CNOT7: variants seen among roughly 807,000 people sequenced by gnomAD.
CNOT7 encodes CCR4-NOT transcription complex subunit 7.
CNOT7 carries 4 observed loss-of-function variants against 37.1 expected under a neutral mutation model. The ratio of observed to expected loss-of-function variants is 0.11; its 90% CI spans 0.05 to 0.25. CNOT7 has a LOEUF of 0.25. Among genes scored for constraint, CNOT7 ranks in the 10% least tolerant of loss-of-function variants. The pLI, the probability that CNOT7 is intolerant of heterozygous loss-of-function variation, is 1.00. For missense variants in CNOT7, 170 were observed against 336.2 expected (o/e 0.51, Z 3.87); for synonymous variants, 128 against 115.6 (o/e 1.11, Z -0.69).
intron 3 of CNOT7, among the ~76,000 whole-genome samples, chr8:17,238,834 T>C (rs1052201040): frequency 6.6e-6 from 1 of 152,228 alleles, no homozygotes; most frequent in Non-Finnish European, 1.5e-5. Context: ...TGTCTTTCTT[T>C]ACATCTACGT....
chr8:17,239,674 T>C (rs887466605), intron 3 of CNOT7, among the ~76,000 whole-genome samples: 3 of 152,030 alleles, frequency 2.0e-5, no homozygotes, highest in Non-Finnish European at 2.9e-5. Flanking sequence ...TTTGTATTTT[T>C]AGTAGATACA....
chr8:17,231,922 A>G, intron 6 of CNOT7: 1 of 987,106 alleles, frequency 1.0e-6, no homozygotes, highest in South Asian at 4.7e-5. Context: ...CAATGCAGTA[A>G]AAGAGCCTGA....
At chr8:17,236,201 T>TC (rs1809338578) in intron 4 of CNOT7, among the ~76,000 whole-genome samples, 1 of 152,158 alleles carries the variant, frequency 6.6e-6, no homozygotes, top group Non-Finnish European at 1.5e-5. Flanking sequence ...ACATGAACAG[T>TC]CCTTCACTAT....
At chr8:17,238,294 T>C (rs540631213) in intron 3 of CNOT7, among the ~76,000 whole-genome samples, 12 of 152,340 alleles carry the variant, frequency 7.9e-5, no homozygotes, top group Middle Eastern at 3.4e-3. Context: ...TATTAAACAC[T>C]TGACAAATCT....
rs1808482709 is a variant in CNOT7 at position 17,230,541 on chromosome 8, T to C, written c.*179A>G. ...TTTAACCTGAATGCGTTTTTTTTTT[T>C]CTTTTTATTAAGATCTGAGATAGGA... On this transcript the variant is annotated 3_prime_UTR_variant, in exon 7 of 7. Transcript: ENST00000361272. 2.5e-6 allele frequency: 1 copy of C among 401,660 alleles called. No homozygotes were observed. Among genetic ancestry groups the C allele is most frequent in the Non-Finnish European group, 4.4e-6 (1 of 229,412 alleles). 24.9% of individuals were successfully genotyped at this position (401,660 alleles called of 1,614,324 possible).
chr8:17,239,098 T>C (rs1029083926), intron 3 of CNOT7, among the ~76,000 whole-genome samples: 17 of 152,224 alleles, frequency 1.1e-4, no homozygotes, highest in Non-Finnish European at 1.5e-5. Context: ...CTGGCTGTCA[T>C]CCAGGAAGCA....
chr8:17,235,016 T>C (rs1453775037), intron 4 of CNOT7, among the ~76,000 whole-genome samples, 156 bp from the exon 5 acceptor site: 2 of 152,002 alleles, frequency 1.3e-5, no homozygotes. Flanking sequence ...AACAAACATA[T>C]TGAGAACTAT....
chr8:17,243,717 C>G (rs538444909), intron 2 of CNOT7: 73 of 452,336 alleles, frequency 1.6e-4, no homozygotes, highest in African/African-American at 1.4e-3. Context: ...TTGCATGCCA[C>G]CTACTCACTC....
rs935507596 is a variant in CNOT7 at position 17,228,966 on chromosome 8, G to A, written c.*1754C>T. Reference sequence around the variant, plus strand: ...GTTATACCAAATGTATTTACTTTGTGAAGTATATCCTTCGGAATAAATGCA... The same window carrying A: ...GTTATACCAAATGTATTTACTTTGTAAAGTATATCCTTCGGAATAAATGCA... On this transcript the variant is annotated 3_prime_UTR_variant, in exon 7 of 7. Coordinates refer to ENST00000361272, the MANE Select transcript of CNOT7 (RefSeq NM_013354.7). The A allele has an allele frequency of 6.6e-5, 10 of 152,068 alleles. No homozygotes were observed. Among genetic ancestry groups the A allele is most frequent in the Middle Eastern group, 6.8e-3 (2 of 294 alleles). 9.4% of individuals were successfully genotyped at this position (152,068 alleles called of 1,614,324 possible).
At position 17,245,203 on chromosome 8, in the gene CNOT7, A is replaced by G. The variant is rs766243001; in HGVS notation, c.-51T>C. The stretch of plus-strand genomic sequence containing the variant: ...GCCAAGCATCAAAATGTTATACTTG[A>G]TTGAAGATTTGTTTCATAAAATATT... On this transcript the variant is annotated 5_prime_UTR_variant, in exon 2 of 7. Coordinates refer to ENST00000361272, the MANE Select transcript of CNOT7 (RefSeq NM_013354.7). 3.9e-6 allele frequency: 6 copies of G among 1,533,640 alleles called. No individual in the cohort carries two copies. The Middle Eastern group carries it at 6.0e-4, about 152-fold the overall frequency.
intron 3 of CNOT7, among the ~76,000 whole-genome samples, chr8:17,238,510 T>A (rs1809688094): frequency 1.3e-5 from 1 of 78,732 alleles, no homozygotes; most frequent in African/African-American, 4.4e-5. Context: ...AAGTAGTTTC[T>A]TTTTTTTTTT....
In CNOT7 at chr8:17,229,645, A is replaced by T. The variant is rs1275614038; in HGVS notation, c.*1075T>A. 1 of 151,498 alleles carries T rather than the reference A, an allele frequency of 6.6e-6. No homozygotes were observed. The highest frequency in any genetic ancestry group is 2.4e-5 in the African/African-American group (1 of 41,204). 9.4% of individuals were successfully genotyped at this position (151,498 alleles called of 1,614,324 possible). ...TTTATCAGCTATATATATATATATGAGAATATATATATATTTTGTTGTTTT... is the reference window on the plus strand; with the variant it reads ...TTTATCAGCTATATATATATATATGTGAATATATATATATTTTGTTGTTTT... On this transcript the variant is annotated 3_prime_UTR_variant, in exon 7 of 7. Coordinates refer to ENST00000361272, the MANE Select transcript of CNOT7 (RefSeq NM_013354.7).
chr8:17,231,932 A>G (rs573175933), intron 6 of CNOT7: 1 of 987,246 alleles, frequency 1.0e-6, no homozygotes, highest in African/African-American at 1.7e-5. Context: ...AAAGAGCCTG[A>G]GTTCTTCTCT....
At chr8:17,238,018 A>G (rs1809616353) in intron 3 of CNOT7, among the ~76,000 whole-genome samples, 1 of 152,260 alleles carries the variant, frequency 6.6e-6, no homozygotes, top group Non-Finnish European at 1.5e-5. Context: ...TATAAAATCA[A>G]GCCAGGAAAT....
chr8:17,241,230 G>C (rs569839416), intron 3 of CNOT7: 1 of 151,448 alleles, frequency 6.6e-6, no homozygotes, highest in African/African-American at 2.4e-5. Context: ...TGTACCTGTA[G>C]TGCTAGGACT....
intron 4 of CNOT7, among the ~76,000 whole-genome samples, chr8:17,236,198 C>T (rs1809337594): frequency 6.6e-6 from 1 of 152,156 alleles, no homozygotes; most frequent in African/African-American, 2.4e-5. Flanking sequence ...CCCACATGAA[C>T]AGTCCTTCAC....
rs1011256941 is a variant in CNOT7 at position 17,228,825 on chromosome 8, T to C, written c.*1895A>G. 6.6e-6 allele frequency: 1 copy of C among 152,018 alleles called. No individual in the cohort carries two copies. The highest frequency in any genetic ancestry group is 6.6e-5 in the Admixed American group (1 of 15,250). 9.4% of individuals were successfully genotyped at this position (152,018 alleles called of 1,614,324 possible). A position where few individuals can be genotyped will look rare whatever the true frequency, so the allele number is the denominator to read the frequency against. Reference sequence around the variant, plus strand: ...AAATAGTTGAACAGAATTTAAATATTAGTTTTCTCAGCTAACAAATCACAA... The same window carrying C: ...AAATAGTTGAACAGAATTTAAATATCAGTTTTCTCAGCTAACAAATCACAA... On this transcript the variant is annotated 3_prime_UTR_variant, in exon 7 of 7. Transcript: ENST00000361272.
intron 3 of CNOT7, chr8:17,241,974 G>A: frequency 6.6e-6 from 1 of 152,270 alleles, no homozygotes; most frequent in Non-Finnish European, 1.5e-5. Flanking sequence ...AGCCTATTCT[G>A]GCAGCTCAGG....
intron 3 of CNOT7, among the ~76,000 whole-genome samples, chr8:17,240,537 T>C (rs141328645): frequency 6.6e-6 from 1 of 152,304 alleles, no homozygotes; most frequent in African/African-American, 2.4e-5. Flanking sequence ...AAAATGTCAC[T>C]TACAGGCTGT....
Sources: gnomAD v4.1 joint callset for allele counts (sites outside exome capture counted in the v4.1 genomes callset) on GRCh38, gnomAD v4.1.1 for gene constraint, MANE v1.5 for transcripts, NCBI Gene and HGNC (gene_info 2026-07-23, HGNC 2026-07-21) for gene names.